The following DGKB variants were observed in gnomAD, a reference collection of about 807,000 sequenced individuals.
DGKB encodes the protein 90 kDa diacylglycerol kinase.
Under a neutral mutation model 114.3 loss-of-function variants are expected in DGKB, and 67 were observed. The ratio of observed to expected loss-of-function variants is 0.59; its 90% confidence interval spans 0.48 to 0.72. DGKB has a LOEUF of 0.72. Ranked by LOEUF, DGKB falls within the 30% of genes least tolerant of loss-of-function variation. The pLI is 0.00. For missense variants in DGKB, 907 were observed against 975.2 expected (o/e 0.93, Z 0.93); for synonymous variants, 398 against 323.1 (o/e 1.23, Z -2.49).
intron 1 of DGKB, among the ~76,000 whole-genome samples, chr7:14,902,206 T>C (rs974084470): frequency 3.9e-5 from 6 of 152,208 alleles, no homozygotes; most frequent in African/African-American, 1.4e-4. Flanking sequence ...CTTGTAACAA[T>C]TAACTAGGGC....
At chr7:14,855,322 T>C (rs1430727260) in intron 1 of DGKB, among the ~76,000 whole-genome samples, 4 of 152,188 alleles carry the variant, frequency 2.6e-5, no homozygotes, top group Non-Finnish European at 5.9e-5. Flanking sequence ...TCAAGGTTCC[T>C]TCAGAGACAA....
chr7:14,545,985 C>T (rs968160941), intron 20 of DGKB, among the ~76,000 whole-genome samples: 1 of 152,090 alleles, frequency 6.6e-6, no homozygotes, highest in African/African-American at 2.4e-5. Flanking sequence ...TATTGGCTGT[C>T]GTGTAGAGAT....
chr7:14,369,231 C>T (rs1817215169), intron 21 of DGKB, among the ~76,000 whole-genome samples: 1 of 152,086 alleles, frequency 6.6e-6, no homozygotes, highest in African/African-American at 2.4e-5. Flanking sequence ...TCATCCATGT[C>T]CCTGCAAAGG....
At chr7:14,499,173 G>C (rs1785747174) in intron 20 of DGKB, among the ~76,000 whole-genome samples, 1 of 151,572 alleles carries the variant, frequency 6.6e-6, no homozygotes, top group African/African-American at 2.4e-5. Context: ...GTAAAATGTA[G>C]CAAATAGTCC....
intron 23 of DGKB, among the ~76,000 whole-genome samples, chr7:14,285,578 G>T (rs1479079321): frequency 1.3e-5 from 2 of 152,180 alleles, no homozygotes; most frequent in Non-Finnish European, 2.9e-5. Flanking sequence ...CATGGATGAA[G>T]TATCAGTTGG....
chr7:14,840,028 T>C (rs964274064), intron 2 of DGKB, among the ~76,000 whole-genome samples: 1 of 152,176 alleles, frequency 6.6e-6, no homozygotes, highest in Non-Finnish European at 1.5e-5. Flanking sequence ...TTAATGTGAG[T>C]GATAGTATTC....
In DGKB at chr7:14,684,300, A is replaced by G. The variant is rs114765524; in HGVS notation, c.829+945T>C. 6.6e-3 allele frequency among the ~76,000 whole-genome samples: 1,012 copies of G among 152,212 alleles called. 12 individuals are homozygous for G. The highest frequency in any genetic ancestry group is 0.022 in the African/African-American group (922 of 41,542). On this transcript the variant is annotated intron_variant, in intron 10 of 25. Transcript: ENST00000402815. ...AAACAAACAAACAAAAAACCTATAA[A>G]CCATGGATGGTATTGGAAGCCAGTA...
intron 1 of DGKB, among the ~76,000 whole-genome samples, chr7:14,901,954 G>A (rs1017660826): frequency 2.0e-5 from 3 of 152,098 alleles, no homozygotes; most frequent in Non-Finnish European, 4.4e-5. Flanking sequence ...TCACAAGAAA[G>A]AGACTGTTCA....
chr7:14,796,347 C>T (rs1841402159), intron 2 of DGKB, among the ~76,000 whole-genome samples: 1 of 152,132 alleles, frequency 6.6e-6, no homozygotes, highest in African/African-American at 2.4e-5. Context: ...ATTGTTTCAG[C>T]TTACACAATT....
intron 21 of DGKB, among the ~76,000 whole-genome samples, chr7:14,456,372 T>C (rs114811552): frequency 8.5e-4 from 130 of 152,196 alleles, no homozygotes; most frequent in African/African-American, 3.0e-3. Flanking sequence ...TTCTGTATAA[T>C]ATAAGCTAAA....
intron 23 of DGKB, among the ~76,000 whole-genome samples, chr7:14,331,043 A>G (rs1435400238): frequency 6.6e-6 from 1 of 152,042 alleles, no homozygotes; most frequent in Non-Finnish European, 1.5e-5. Flanking sequence ...TATATGATGT[A>G]ATCTTAAATT....
rs35214296 is a variant in DGKB at position 14,419,626 on chromosome 7, G to GAA, written c.1835+58533_1835+58534dup. Among the ~76,000 whole-genome samples the GAA allele has an allele frequency of 2.2e-3, 319 of 142,554 alleles. 2 individuals are homozygous for GAA. The highest frequency in any genetic ancestry group is 0.011 in the Middle Eastern group (3 of 272). 93.5% of individuals were successfully genotyped at this position (142,554 alleles called of 152,430 possible). A position where few individuals can be genotyped will look rare whatever the true frequency, so the allele number is the denominator to read the frequency against. Reference sequence around the variant, plus strand: ...GATTGAAGATAAATGCACTTAATTTGAAAAAAAAAAAAATGTTGGACTGGA... The same window carrying GAA: ...GATTGAAGATAAATGCACTTAATTTGAAAAAAAAAAAAAAATGTTGGACTGGA... On this transcript the variant is annotated intron_variant, in intron 21 of 25. Coordinates refer to ENST00000402815, the MANE Select transcript of DGKB (RefSeq NM_001350709.2).
chr7:14,897,431 T>C (rs1782280822), intron 1 of DGKB, among the ~76,000 whole-genome samples: 1 of 151,862 alleles, frequency 6.6e-6, no homozygotes, highest in South Asian at 2.1e-4. Flanking sequence ...ATGATTGAAT[T>C]AAAATCAGTG....
intron 23 of DGKB, among the ~76,000 whole-genome samples, chr7:14,223,769 A>G (rs1043256816): frequency 2.3e-4 from 35 of 151,782 alleles, no homozygotes; most frequent in African/African-American, 3.4e-4. Flanking sequence ...TTTGATCAAT[A>G]CAGAATTCAT....
intron 2 of DGKB, among the ~76,000 whole-genome samples, chr7:14,823,163 G>A (rs1845185544): frequency 1.3e-5 from 2 of 151,688 alleles, no homozygotes; most frequent in Non-Finnish European, 2.9e-5. Flanking sequence ...AAGAAACAGT[G>A]AGATTTCTAT....
At chr7:14,618,626 A>G (rs553484594) in intron 15 of DGKB, among the ~76,000 whole-genome samples, 1 of 151,706 alleles carries the variant, frequency 6.6e-6, no homozygotes, top group Non-Finnish European at 1.5e-5. Flanking sequence ...GAGCGATGAC[A>G]AAGACAGAGT....
intron 20 of DGKB, among the ~76,000 whole-genome samples, chr7:14,556,564 G>A (rs1330536112): frequency 6.6e-6 from 1 of 151,884 alleles, no homozygotes; most frequent in African/African-American, 2.4e-5. Flanking sequence ...CGTGTATTTT[G>A]ATTTATTAAA....
chr7:14,360,857 G>C (rs1023273655), intron 21 of DGKB, among the ~76,000 whole-genome samples: 4 of 152,080 alleles, frequency 2.6e-5, no homozygotes, highest in Non-Finnish European at 5.9e-5. Flanking sequence ...TGAAAGGCCA[G>C]TTAATACTTT....
intron 25 of DGKB, among the ~76,000 whole-genome samples, chr7:14,167,882 A>C (rs1435987939): frequency 6.6e-6 from 1 of 152,206 alleles, no homozygotes; most frequent in Admixed American, 6.5e-5. Flanking sequence ...AGAGTCTTAT[A>C]ACACAATATT....
Sources: gnomAD v4.1 joint callset for allele counts (sites outside exome capture counted in the v4.1 genomes callset) on GRCh38, gnomAD v4.1.1 for gene constraint, MANE v1.5 for transcripts, NCBI Gene and HGNC (gene_info 2026-07-23, HGNC 2026-07-21) for gene names.